The following EEA1 variants were observed in gnomAD, a reference collection of about 807,000 sequenced individuals.
The protein encoded by EEA1 is early endosome antigen 1, 162kD.
In EEA1, 111 loss-of-function variants were observed where a neutral mutation model predicts 209.2. The observed-to-expected ratio is 0.53, with a 90% CI of 0.45 to 0.62. The LOEUF (loss-of-function observed/expected upper bound fraction) is 0.62. Ranked by LOEUF, EEA1 falls within the 20% of genes least tolerant of loss-of-function variation. EEA1 has a pLI of 0.00. For synonymous variants in EEA1, 536 were observed against 540.6 expected (o/e 0.99, Z 0.12); for missense variants, 1,343 against 1,530.8 (o/e 0.88, Z 2.05).
intron 3 of EEA1, chr12:92,859,238 G>A: frequency 1.2e-6 from 2 of 1,612,140 alleles, no homozygotes; most frequent in Non-Finnish European, 1.7e-6. Flanking sequence ...GGTAGGGACA[G>A]CTTCCCATGG....
At chr12:92,824,005 C>A (rs1421070802) in intron 13 of EEA1, among the ~76,000 whole-genome samples, 1 of 152,128 alleles carries the variant, frequency 6.6e-6, no homozygotes, top group East Asian at 1.9e-4. Context: ...TTTTTCTTCC[C>A]ATTCTCTCTT....
intron 11 of EEA1, among the ~76,000 whole-genome samples, chr12:92,828,806 T>A (rs1371990851): frequency 1.3e-5 from 2 of 152,046 alleles, no homozygotes; most frequent in African/African-American, 2.4e-5. Context: ...CACTAATCCC[T>A]CTGGCTGTGA....
At chr12:92,855,306 T>C (rs1173666118) in intron 5 of EEA1, among the ~76,000 whole-genome samples, 1 of 152,240 alleles carries the variant, frequency 6.6e-6, no homozygotes, top group Non-Finnish European at 1.5e-5. Flanking sequence ...CGGACGTGCC[T>C]GTAGTCCCAG....
intron 3 of EEA1, chr12:92,858,715 G>T (rs1979803): frequency 0.65 from 476,655 of 734,950 alleles, 159,655 homozygotes; most frequent in East Asian, 0.94. Context: ...TTGGCATGAT[G>T]AAGAGGTTCG....
chr12:92,911,500 T>A (rs916830627), intron 1 of EEA1, among the ~76,000 whole-genome samples: 6 of 152,186 alleles, frequency 3.9e-5, no homozygotes, highest in Non-Finnish European at 7.3e-5. Flanking sequence ...GAAGGATGAA[T>A]AGGCAAAACA....
intron 11 of EEA1, 139 bp from the exon 12 acceptor site, chr12:92,828,200 AT>A: frequency 3.5e-6 from 2 of 564,254 alleles, no homozygotes; most frequent in Non-Finnish European, 5.4e-6. Context: ...GAAACCTAAG[AT>A]TTTATACAGT....
chr12:92,859,155 C>T (rs1878019696), intron 3 of EEA1: 13 of 1,547,554 alleles, frequency 8.4e-6, no homozygotes, highest in Middle Eastern at 3.5e-4. Context: ...TTGATCTCCA[C>T]CCTAGGGTCA....
chr12:92,837,137 A>C (rs555698352), intron 10 of EEA1, among the ~76,000 whole-genome samples: 3,668 of 151,830 alleles, frequency 0.024, 170 homozygotes, highest in African/African-American at 0.083. Flanking sequence ...AAAAAAAAAA[A>C]AAAAACCAAC....
At chr12:92,886,858 T>C (rs1441539445) in intron 2 of EEA1, among the ~76,000 whole-genome samples, 2 of 150,698 alleles carry the variant, frequency 1.3e-5, no homozygotes, top group Admixed American at 1.3e-4. Flanking sequence ...ATTAGCCGGG[T>C]GTGGTGGCAG....
intron 10 of EEA1, among the ~76,000 whole-genome samples, chr12:92,841,085 A>G (rs1462431093): frequency 6.6e-6 from 1 of 152,164 alleles, no homozygotes; most frequent in Non-Finnish European, 1.5e-5. Context: ...TCAGCCTCCA[A>G]AATAGTAAAA....
rs2136641916 is a variant in EEA1, at chr12:92,772,525, GTTT to G, written c.*3483_*3485del. The G allele has an allele frequency of 6.6e-6, 1 of 151,846 alleles. No individual in the cohort carries two copies. The highest frequency in any genetic ancestry group is 2.4e-5 in the African/African-American group (1 of 41,462). The allele number at this position is 151,846 out of a possible 1,614,324, so 9.4% of individuals were successfully genotyped here. A position where few individuals can be genotyped will look rare whatever the true frequency, so the allele number is the denominator to read the frequency against. The stretch of plus-strand genomic sequence containing the variant: ...GAATACAACTAGTTTAGAAAGAAAT[GTTT>G]TTAATATAATATTTAAACATATTAA... On this transcript the variant is annotated 3_prime_UTR_variant, in exon 29 of 29. Transcript: ENST00000322349.
rs185332347 is a variant in EEA1, at chr12:92,880,964, G to C, written c.117+10665C>G. Among the ~76,000 whole-genome samples the C allele has an allele frequency of 4.6e-3, 705 of 152,316 alleles. 4 individuals are homozygous for C. The highest frequency in any genetic ancestry group is 0.016 in the African/African-American group (670 of 41,562). On this transcript the variant is annotated intron_variant, in intron 2 of 28. Transcript: ENST00000322349. ...AGGAGACAAGGAATGACAGACTGAT[G>C]AGTTCTTTGCCTCATATATTCTGAA... is the stretch of plus-strand genomic sequence containing the variant.
chr12:92,822,400 C>T (rs1160470118), intron 13 of EEA1, among the ~76,000 whole-genome samples: 1 of 152,150 alleles, frequency 6.6e-6, no homozygotes, highest in Non-Finnish European at 1.5e-5. Context: ...AGATTTTCAT[C>T]TCTATTACTT....
At position 92,864,842 on chromosome 12, in the gene EEA1, A is replaced by C. The variant is rs199845560; in HGVS notation, c.245+18T>G. The C allele has an allele frequency of 3.3e-3, 5,188 of 1,560,440 alleles. 28 individuals are homozygous for C. Among genetic ancestry groups the C allele is most frequent in the South Asian group, 0.016 (1,307 of 79,936 alleles). Reference sequence around the variant, plus strand: ...TGCATATTCCATAACATTATACTTCAAAATTATCATACCGTACCGCTTCAA... The same window carrying C: ...TGCATATTCCATAACATTATACTTCCAAATTATCATACCGTACCGCTTCAA... On this transcript the variant is annotated intron_variant, in intron 3 of 28. Coordinates refer to ENST00000322349, the MANE Select transcript of EEA1 (RefSeq NM_003566.4).
intron 2 of EEA1, chr12:92,879,194 ATT>A (rs1371776703): frequency 6.3e-6 from 2 of 315,458 alleles, no homozygotes; most frequent in Admixed American, 5.1e-5. Flanking sequence ...ACACTTTTGG[ATT>A]CTGGATTTTT....
intron 13 of EEA1, among the ~76,000 whole-genome samples, chr12:92,822,244 C>G (rs1224877111): frequency 2.8e-4 from 43 of 152,108 alleles, no homozygotes; most frequent in Non-Finnish European, 1.2e-4. Flanking sequence ...ATGTCCAGGT[C>G]TCTCGTATTC....
chr12:92,858,853 GGT>G lies in EEA1; in HGVS notation c.246-1370_246-1369del, dbSNP rs1878004242. ...CAGACTTGTTATTGGTGTGCCTCGGGGTGATGCTGGTTTGTATGACTGGACAG... is the reference window on the plus strand; with the variant it reads ...CAGACTTGTTATTGGTGTGCCTCGGGGATGCTGGTTTGTATGACTGGACAG... On this transcript the variant is annotated intron_variant, in intron 3 of 28. Transcript: ENST00000322349. The G allele has an allele frequency of 1.1e-5, 8 of 739,142 alleles. No homozygotes were observed. The Admixed American group carries it at 1.2e-4, about 11-fold the overall frequency. The allele number at this position is 739,142 out of a possible 1,614,324, so 45.8% of individuals were successfully genotyped here. A position where few individuals can be genotyped will look rare whatever the true frequency, so the allele number is the denominator to read the frequency against.
intron 2 of EEA1, among the ~76,000 whole-genome samples, chr12:92,882,341 C>T (rs1383012280): frequency 6.6e-6 from 1 of 151,942 alleles, no homozygotes; most frequent in Non-Finnish European, 1.5e-5. Flanking sequence ...CTCCTGACCT[C>T]AGGTGATCTG....
chr12:92,877,221 C>G (rs189715213), intron 2 of EEA1, among the ~76,000 whole-genome samples: 3 of 151,102 alleles, frequency 2.0e-5, no homozygotes, highest in Non-Finnish European at 4.4e-5. Flanking sequence ...TCAACTGATC[C>G]GCCAGCCTGG....
Sources: gnomAD v4.1 joint callset for allele counts (sites outside exome capture counted in the v4.1 genomes callset) on GRCh38, gnomAD v4.1.1 for gene constraint, MANE v1.5 for transcripts, NCBI Gene and HGNC (gene_info 2026-07-23, HGNC 2026-07-21) for gene names.